GREB1: variants seen among roughly 807,000 people sequenced by gnomAD.
The protein encoded by GREB1 is protein GREB1.
In GREB1, 106 loss-of-function variants were observed where a neutral mutation model predicts 200.7. That is an observed-to-expected ratio of 0.53 (90% CI 0.45 to 0.62). The LOEUF is 0.62. GREB1 is among the 20% of genes least tolerant of loss of function. GREB1 has a pLI of 0.00. For synonymous variants in GREB1, 1,132 were observed against 1,092.4 expected, an observed-to-expected ratio of 1.04 and a Z score of -0.72; for missense variants, 2,243 against 2,556.8, an observed-to-expected ratio of 0.88 and a Z score of 2.65.
chr2:11,612,706 T>TA, intron 19 of GREB1, 96 bp downstream of exon 19: 2 of 735,784 alleles, frequency 2.7e-6, no homozygotes, highest in Non-Finnish European at 4.7e-6. Context: ...GCCCTGACGG[T>TA]AGGCAGCACC....
intron 1 of GREB1, among the ~76,000 whole-genome samples, chr2:11,552,386 G>C (rs1033572809): frequency 6.6e-6 from 1 of 152,206 alleles, no homozygotes; most frequent in Non-Finnish European, 1.5e-5. Flanking sequence ...AGTGGTCAGG[G>C]CCAGCCCAGG....
At chr2:11,608,717 G>C (rs1682638350) in intron 17 of GREB1, among the ~76,000 whole-genome samples, 2 of 152,196 alleles carry the variant, frequency 1.3e-5, no homozygotes, top group East Asian at 1.9e-4. Flanking sequence ...GTGGAAACAG[G>C]AACTATTCCC....
At chr2:11,489,352 G>C (rs1672730171) in intron 1 of GREB1, among the ~76,000 whole-genome samples, 1 of 152,178 alleles carries the variant, frequency 6.6e-6, no homozygotes, top group African/African-American at 2.4e-5. Context: ...CCAGCTACTT[G>C]GGAGGCTGAG....
intron 16 of GREB1, among the ~76,000 whole-genome samples, chr2:11,601,199 C>T (rs980335048): frequency 6.6e-6 from 1 of 152,212 alleles, no homozygotes; most frequent in Non-Finnish European, 1.5e-5. Flanking sequence ...GCTTCCTCAT[C>T]TCGGAAGATG....
At chr2:11,508,557 G>C (rs1484008868) in intron 1 of GREB1, among the ~76,000 whole-genome samples, 2 of 152,084 alleles carry the variant, frequency 1.3e-5, no homozygotes, top group Non-Finnish European at 2.9e-5. Flanking sequence ...CCCCTTTTAC[G>C]TGGCTTGCTG....
chr2:11,550,072 A>T (rs2147811309), intron 1 of GREB1, among the ~76,000 whole-genome samples: 1 of 152,272 alleles, frequency 6.6e-6, no homozygotes, highest in East Asian at 1.9e-4. Flanking sequence ...TACAAAAATT[A>T]GCCAGGTGAG....
intron 1 of GREB1, among the ~76,000 whole-genome samples, chr2:11,497,892 A>G (rs1572551465): frequency 7.4e-6 from 1 of 135,956 alleles, no homozygotes; most frequent in Non-Finnish European, 1.6e-5. Context: ...CCTTTGTTGT[A>G]TATGTGGTTT....
chr2:11,562,966 ATCTTTCT>A (rs999382528), intron 3 of GREB1: 2 of 156,978 alleles, frequency 1.3e-5, no homozygotes, highest in Non-Finnish European at 2.8e-5. Context: ...AGGAGGAATA[ATCTTTCT>A]TTCTTTCTTT....
chr2:11,502,282 A>G (rs1179035359), intron 1 of GREB1, among the ~76,000 whole-genome samples: 1 of 140,036 alleles, frequency 7.1e-6, no homozygotes, highest in Non-Finnish European at 1.5e-5. Flanking sequence ...GTGCAGTGGT[A>G]TGGTAACAGC....
At chr2:11,588,535 C>T in intron 9 of GREB1, 2 of 631,124 alleles carry the variant, frequency 3.2e-6, no homozygotes, top group Admixed American at 2.5e-5. Context: ...GGCACAGCCC[C>T]ATTGGTTAGA....
intron 1 of GREB1, among the ~76,000 whole-genome samples, chr2:11,528,248 A>G (rs190979469): frequency 9.2e-5 from 14 of 152,336 alleles, no homozygotes; most frequent in Admixed American, 9.1e-4. Context: ...ATCTCTTTAC[A>G]TCTACTCCAA....
intron 9 of GREB1, chr2:11,587,741 A>C: frequency 1.3e-6 from 1 of 786,922 alleles, no homozygotes; most frequent in Non-Finnish European, 1.6e-6. Context: ...ACACACACAC[A>C]CGCCACCTTT....
intron 1 of GREB1, among the ~76,000 whole-genome samples, chr2:11,489,353 G>A (rs1303011605): frequency 6.6e-6 from 1 of 152,190 alleles, no homozygotes; most frequent in Non-Finnish European, 1.5e-5. Flanking sequence ...CAGCTACTTG[G>A]GAGGCTGAGG....
At chr2:11,519,444 T>C (rs1190302665) in intron 1 of GREB1, among the ~76,000 whole-genome samples, 1 of 133,688 alleles carries the variant, frequency 7.5e-6, no homozygotes, top group East Asian at 2.2e-4. Context: ...TGATTACTTG[T>C]TTTGGTTTTT....
At chr2:11,601,899 C>T (rs1023185120) in intron 16 of GREB1, among the ~76,000 whole-genome samples, 8 of 152,198 alleles carry the variant, frequency 5.3e-5, no homozygotes, top group Non-Finnish European at 1.0e-4. Flanking sequence ...ATGGCTCGGC[C>T]CTTAACCACT....
In GREB1 at chr2:11,583,073, T is replaced by G. The variant is rs114893916; in HGVS notation, c.902-2088T>G. 7.5e-3 allele frequency among the ~76,000 whole-genome samples: 1,141 copies of G among 152,206 alleles called. 13 individuals carry two copies. The highest frequency in any genetic ancestry group is 0.026 in the African/African-American group (1,074 of 41,520). Reference sequence around the variant, plus strand: ...CAAATAGTACCTCCCCAAGAGACATTTTGAGAAATAGTTGATCCACATTGG... The same window carrying G: ...CAAATAGTACCTCCCCAAGAGACATGTTGAGAAATAGTTGATCCACATTGG... On this transcript the variant is annotated intron_variant, in intron 7 of 32. Coordinates refer to ENST00000381486, the MANE Select transcript of GREB1 (RefSeq NM_014668.4).
rs543787736 is a variant in GREB1 at position 11,559,551 on chromosome 2, G to A, written c.157+2780G>A. The stretch of plus-strand genomic sequence containing the variant: ...GGTGTGCCCTTGGCTGCGACGGTGC[G>A]GGCCTTGGGGGCTGCTGGTTTTAGT... On this transcript the variant is annotated intron_variant, in intron 2 of 32. Transcript: ENST00000381486. Among the ~76,000 whole-genome samples, 484 of 152,230 alleles carry A rather than the reference G, an allele frequency of 3.2e-3. 5 individuals carry two copies. The highest frequency in any genetic ancestry group is 0.011 in the African/African-American group (457 of 41,530).
chr2:11,621,290 T>C (rs990521091), intron 23 of GREB1, among the ~76,000 whole-genome samples: 2 of 152,212 alleles, frequency 1.3e-5, no homozygotes, highest in African/African-American at 4.8e-5. Flanking sequence ...TGTCAATTTC[T>C]TAGGCCCAGG....
chr2:11,638,477 T>C (rs1273816241), intron 31 of GREB1, among the ~76,000 whole-genome samples, 194 bp from the exon 32 acceptor site: 1 of 152,180 alleles, frequency 6.6e-6, no homozygotes, highest in Non-Finnish European at 1.5e-5. Flanking sequence ...CATGACTAGA[T>C]AAATCTGGAT....
Sources: allele counts gnomAD v4.1 joint callset (sites outside exome capture counted in the v4.1 genomes callset), GRCh38; gene constraint gnomAD v4.1.1; transcripts MANE v1.5; gene names NCBI Gene and HGNC (gene_info 2026-07-23, HGNC 2026-07-21).